Variants in RGS5 observed in about 807,000 individuals in gnomAD.
The protein encoded by RGS5 is regulator of G protein signaling 5, also known as regulator of G-protein signalling 5.
Under a neutral mutation model 18.9 loss-of-function variants are expected in RGS5, and 20 were observed. The ratio of observed to expected loss-of-function variants is 1.06; its 90% CI spans 0.74 to 1.54. The LOEUF (loss-of-function observed/expected upper bound fraction) is 1.54. RGS5 is among the 40% of genes most tolerant of loss of function. The pLI is 0.00. For synonymous variants in RGS5, 57 were observed against 76.2 expected, an observed-to-expected ratio of 0.75 and a Z score of 1.31; for missense variants, 201 against 211.8, an observed-to-expected ratio of 0.95 and a Z score of 0.32.
intron 1 of RGS5, among the ~76,000 whole-genome samples, chr1:163,216,540 G>A (rs1660220553): frequency 6.6e-6 from 1 of 152,140 alleles, no homozygotes; most frequent in African/African-American, 2.4e-5. Context: ...TAACTAGGCG[G>A]ATTGACTTCA....
At chr1:163,225,656 A>G (rs1464321465) in intron 2 of RGS5, among the ~76,000 whole-genome samples, 3 of 152,110 alleles carry the variant, frequency 2.0e-5, no homozygotes, top group Non-Finnish European at 4.4e-5. Flanking sequence ...CCATAGAGTT[A>G]AGTGTATGAG....
intron 4 of RGS5, among the ~76,000 whole-genome samples, chr1:163,152,153 A>G (rs1033343505): frequency 6.6e-6 from 1 of 152,176 alleles, no homozygotes. Flanking sequence ...GAATTTTCAG[A>G]TCAGAGATGT....
intron 1 of RGS5, among the ~76,000 whole-genome samples, chr1:163,185,205 T>TAC (rs149595022): frequency 5.8e-4 from 87 of 151,108 alleles, no homozygotes; most frequent in Middle Eastern, 3.4e-3. Context: ...AGTCTTTATT[T>TAC]ACACACACAC....
chr1:163,246,830 A>C (rs886869820), intron 2 of RGS5, among the ~76,000 whole-genome samples: 2 of 152,206 alleles, frequency 1.3e-5, no homozygotes, highest in Admixed American at 1.3e-4. Context: ...CATGGAATCA[A>C]TCTAGATTCT....
At chr1:163,247,055 G>A (rs1647960370) in intron 2 of RGS5, among the ~76,000 whole-genome samples, 1 of 152,112 alleles carries the variant, frequency 6.6e-6, no homozygotes, top group Non-Finnish European at 1.5e-5. Flanking sequence ...CACAAAGAAG[G>A]GAATAATAGA....
chr1:163,310,842 G>T (rs1308206311), intron 1 of RGS5, among the ~76,000 whole-genome samples: 1 of 152,188 alleles, frequency 6.6e-6, no homozygotes, highest in East Asian at 1.9e-4. Context: ...GCTTGGCTGA[G>T]GAGGCCTCAG....
chr1:163,162,002 G>A, intron 2 of RGS5, 26 bp from the exon 3 acceptor site: 1 of 1,571,154 alleles, frequency 6.4e-7, no homozygotes, highest in Non-Finnish European at 8.8e-7. Flanking sequence ...GGAGAGAAAA[G>A]GGGTATGGCG....
chr1:163,200,140 G>C (rs1659721012), intron 1 of RGS5, among the ~76,000 whole-genome samples: 1 of 152,046 alleles, frequency 6.6e-6, no homozygotes, highest in South Asian at 2.1e-4. Flanking sequence ...TAGAGTCCTG[G>C]GGAAGTGAAA....
At chr1:163,306,660 A>G (rs1158826446) in intron 1 of RGS5, among the ~76,000 whole-genome samples, 1 of 152,230 alleles carries the variant, frequency 6.6e-6, no homozygotes, top group Non-Finnish European at 1.5e-5. Flanking sequence ...AAGGAAATCA[A>G]GTTAAACTGA....
chr1:163,206,715 C>T (rs1659963501), upstream of RGS5: 1 of 152,018 alleles, frequency 6.6e-6, no homozygotes, highest in Admixed American at 6.6e-5. Flanking sequence ...AACAAGGCAC[C>T]ATCTTGGAGA....
intron 2 of RGS5, among the ~76,000 whole-genome samples, chr1:163,270,343 C>G (rs1315226329): frequency 8.3e-6 from 1 of 120,824 alleles, no homozygotes; most frequent in Non-Finnish European, 1.7e-5. Flanking sequence ...CAGAACTCAT[C>G]TCTATTGAGA....
intron 2 of RGS5, among the ~76,000 whole-genome samples, chr1:163,236,618 G>C: frequency 1.3e-5 from 2 of 152,118 alleles, no homozygotes; most frequent in Admixed American, 1.3e-4. Flanking sequence ...CTACAAACCA[G>C]CAATATAATA....
intron 1 of RGS5, among the ~76,000 whole-genome samples, chr1:163,307,180 G>C (rs529971027): frequency 6.6e-6 from 1 of 152,282 alleles, no homozygotes; most frequent in South Asian, 2.1e-4. Context: ...TGGTTTTCCT[G>C]CCCTTAGATC....
chr1:163,291,779 C>A (rs1003996732), intron 2 of RGS5, among the ~76,000 whole-genome samples: 1 of 152,088 alleles, frequency 6.6e-6, no homozygotes, highest in Non-Finnish European at 1.5e-5. Flanking sequence ...GCTCACCAAG[C>A]TGTCTTTGAA....
chr1:163,306,711 T>C (rs755618732), intron 1 of RGS5, among the ~76,000 whole-genome samples: 2 of 152,176 alleles, frequency 1.3e-5, no homozygotes, highest in Non-Finnish European at 2.9e-5. Flanking sequence ...ATATGACCAA[T>C]GTCCTTATTA....
intron 2 of RGS5, among the ~76,000 whole-genome samples, chr1:163,253,549 A>G (rs1328776935): frequency 6.6e-6 from 1 of 150,952 alleles, no homozygotes; most frequent in African/African-American, 2.4e-5. Context: ...ACCTCTGGCA[A>G]TCCACCCACC....
rs182304737 is a variant in RGS5 at position 163,247,286 on chromosome 1, T to A, written c.-281+58947A>T. 4.9e-3 allele frequency among the ~76,000 whole-genome samples: 742 copies of A among 152,284 alleles called. 5 individuals carry two copies. Among genetic ancestry groups the A allele is most frequent in the African/African-American group, 0.017 (698 of 41,556 alleles). ...TGAATAATTATAAGAAAATAACTGA[T>A]AAGAAAATGTGAGTTTTGTTCTAGT... is the stretch of plus-strand genomic sequence containing the variant. On this transcript the variant is annotated intron_variant, in intron 2 of 5. Transcript: ENST00000618415.
intron 2 of RGS5, among the ~76,000 whole-genome samples, chr1:163,247,525 A>G (rs1416903429): frequency 6.6e-6 from 1 of 151,850 alleles, no homozygotes; most frequent in Non-Finnish European, 1.5e-5. Context: ...TAAATCACCT[A>G]TATGTACCAC....
At chr1:163,268,067 G>A (rs536036292) in intron 2 of RGS5, among the ~76,000 whole-genome samples, 1 of 151,858 alleles carries the variant, frequency 6.6e-6, no homozygotes, top group African/African-American at 2.4e-5. Flanking sequence ...AGGTTTCTGT[G>A]GCTTTACTAG....
Sources: allele counts gnomAD v4.1 joint callset (sites outside exome capture counted in the v4.1 genomes callset), GRCh38; gene constraint gnomAD v4.1.1; transcripts MANE v1.5; gene names NCBI Gene and HGNC (gene_info 2026-07-23, HGNC 2026-07-21).